SPHK2: variants seen among roughly 807,000 people sequenced by gnomAD.
The protein encoded by SPHK2 is sphingosine kinase 2.
Under a neutral mutation model 32.3 loss-of-function variants are expected in SPHK2, and 18 were observed. That is an observed-to-expected ratio of 0.56 (90% CI 0.39 to 0.83). SPHK2 has a LOEUF of 0.83. Among genes scored for constraint, SPHK2 ranks in the 40% least tolerant of loss-of-function variants. The probability of loss-of-function intolerance (pLI) is 0.00; values close to 1 mark genes in which losing one functional copy is unlikely to be tolerated. For synonymous variants in SPHK2, 462 were observed against 417.6 expected, an observed-to-expected ratio of 1.11 and a Z score of -1.30; for missense variants, 850 against 908.7, an observed-to-expected ratio of 0.94 and a Z score of 0.83.
intron 2 of SPHK2, chr19:48,623,517 G>A (rs982553932): frequency 6.6e-6 from 1 of 152,088 alleles, no homozygotes; most frequent in Non-Finnish European, 1.5e-5. Flanking sequence ...TCTTTGCCTC[G>A]GTGCATCTGT....
At chr19:48,625,860 T>A in intron 2 of SPHK2, 31 bp from the exon 3 acceptor site, 1 of 1,604,076 alleles carries the variant, frequency 6.2e-7, no homozygotes, top group South Asian at 1.1e-5. Context: ...GGGTCCTGAA[T>A]TCTCACCCCT....
intron 2 of SPHK2, chr19:48,624,838 C>A: frequency 1.1e-6 from 1 of 892,068 alleles, no homozygotes; most frequent in African/African-American, 2.1e-5. Context: ...GATAGGGGGG[C>A]AGATGTAGTT....
intron 3 of SPHK2, 51 bp from the exon 4 acceptor site, chr19:48,627,641 G>A: frequency 6.6e-7 from 1 of 1,519,282 alleles, no homozygotes; most frequent in Non-Finnish European, 8.8e-7. Flanking sequence ...CTGTTTCCAA[G>A]GTGGGGGGCC....
At chr19:48,622,715 C>T (rs992976687) in intron 2 of SPHK2, among the ~76,000 whole-genome samples, 3 of 147,058 alleles carry the variant, frequency 2.0e-5, no homozygotes, top group Non-Finnish European at 4.5e-5. Context: ...ATGCTAGGTA[C>T]ATGATTTGGC....
Position 48,629,432 on chromosome 19 carries a change from T to C in SPHK2, c.1624T>C (p.Leu542=). The C allele has an allele frequency of 3.7e-6, 6 of 1,610,626 alleles. No individual in the cohort carries two copies. Among genetic ancestry groups the C allele is most frequent in the Non-Finnish European group, 5.1e-6 (6 of 1,179,200 alleles). The change falls in exon 7 of 7, where the codon TTG becomes CTG. Residue 542 remains leucine (L), a synonymous_variant. Coordinates refer to ENST00000245222, the MANE Select transcript of SPHK2 (RefSeq NM_020126.5). ...VTLEGDFVLM[L]AISPSHLGAD... ...GCTGGAGGGGGACTTTGTGCTCATG[T>C]TGGCCATCTCGCCCAGCCACCTAGG... is the stretch of plus-strand genomic sequence containing the variant.
rs1197232818 is a variant in SPHK2 at position 48,628,282 on chromosome 19, G to A, written c.872+5G>A. 2 of 1,612,576 alleles carry A rather than the reference G, an allele frequency of 1.2e-6. No homozygotes were observed. The highest frequency in any genetic ancestry group is 1.7e-6 in the Non-Finnish European group (2 of 1,179,512). On this transcript the variant is annotated splice_donor_5th_base_variant and intron_variant, in intron 6 of 6. Coordinates refer to ENST00000245222, the MANE Select transcript of SPHK2 (RefSeq NM_020126.5). The surrounding 1 kb of genome is among the most constrained non-coding windows in gnomAD (Gnocchi z 5.2). Reference sequence around the variant, plus strand: ...AGCAGTGAACCAGCACGGGGGGTAGGTTGAGGATACCACGAAGGGAGGGAT... The same window carrying A: ...AGCAGTGAACCAGCACGGGGGGTAGATTGAGGATACCACGAAGGGAGGGAT...
chr19:48,626,130 G>A lies in SPHK2; in HGVS notation c.279G>A (p.Pro93=), dbSNP rs200162164. 1.9e-5 allele frequency: 30 copies of A among 1,606,220 alleles called. No individual in the cohort carries two copies. Among genetic ancestry groups the A allele is most frequent in the Non-Finnish European group, 2.6e-5 (30 of 1,176,156 alleles). Residue 93 remains proline, a synonymous_variant, in exon 3 of 7, where the codon CCG becomes CCA. Transcript: ENST00000245222. The part of the protein sequence containing the change: ...PEARPRGGLV[P]LAEVSGCCTL... ...CCAGGCCCCGGGGTGGCCTGGTCCC[G>A]TTGGCCGAGGTCTCAGGCTGCTGCA...
intron 2 of SPHK2, chr19:48,623,104 C>T (rs1476185089): frequency 2.6e-5 from 4 of 151,058 alleles, no homozygotes; most frequent in Admixed American, 1.3e-4. Flanking sequence ...ATTAGCCGGA[C>T]GTGGTGGCAC....
rs138780722 is a variant in SPHK2, at chr19:48,629,873, AG to A, written c.*104del. 2.1e-6 allele frequency: 3 copies of A among 1,462,654 alleles called. No individual in the cohort carries two copies. The highest frequency in any genetic ancestry group is 2.8e-5 in the African/African-American group (2 of 70,390). The allele number at this position is 1,462,654 out of a possible 1,614,324, so 90.6% of individuals were successfully genotyped here. On this transcript the variant is annotated 3_prime_UTR_variant, in exon 7 of 7. Coordinates refer to ENST00000245222, the MANE Select transcript of SPHK2 (RefSeq NM_020126.5). ...GCCTGGCTGCTAGAGTTGTGGTGGC[AG>A]GGGCCCTGGCCCCGTCTCAGGATTG... is the stretch of plus-strand genomic sequence containing the variant.
At position 48,626,191 on chromosome 19, in the gene SPHK2, T is replaced by G. The variant is rs1974613084; in HGVS notation, c.340T>G (p.Tyr114Asp). ...CCGCAGCCCCTCAGACTCAGCGGCC[T>G]ACTTCTGCATCTACACCTACCCTCG... ...RSRSPSDSAA[Y>D]FCIYTYPRGR... The change falls in exon 3 of 7, where the codon TAC (tyrosine) becomes GAC (aspartate). Residue 114 changes from tyrosine to aspartate, a missense_variant. Transcript: ENST00000245222. The G allele has an allele frequency of 6.3e-7, 1 of 1,594,210 alleles. No individual in the cohort carries two copies. Among genetic ancestry groups the G allele is most frequent in the African/African-American group, 1.3e-5 (1 of 74,394 alleles).
In SPHK2 at chr19:48,628,231, T is replaced by A; in HGVS notation, c.826T>A (p.Cys276Ser). 1 of 1,613,672 alleles carries A rather than the reference T, an allele frequency of 6.2e-7. No homozygotes were observed. Among genetic ancestry groups the A allele is most frequent in the Non-Finnish European group, 8.5e-7 (1 of 1,179,948 alleles). ...AVKMPVGILP[C>S]GSGNALAGAV... is the part of the protein sequence containing the mutation. ...GAAGATGCCTGTGGGCATCCTCCCC[T>A]GCGGCTCGGGCAACGCGCTGGCCGG... Residue 276 changes from cysteine to serine, a missense_variant, in exon 6 of 7, where the codon TGC becomes AGC. Transcript: ENST00000245222. This position sits in a 1 kb window ranked among gnomAD's most constrained non-coding sequence, Gnocchi z 5.2.
intron 2 of SPHK2, chr19:48,625,672 G>A (rs1974581211): frequency 6.5e-7 from 1 of 1,533,640 alleles, no homozygotes; most frequent in Admixed American, 2.0e-5. Flanking sequence ...ATAAATGATT[G>A]GATGTTTGCA....
chr19:48,620,632 A>C, intron 2 of SPHK2, 79 bp downstream of exon 2: 1 of 1,375,972 alleles, frequency 7.3e-7, no homozygotes, highest in Non-Finnish European at 9.9e-7. Context: ...AAAAAAAAAA[A>C]AAAATTGGAG....
At chr19:48,621,205 A>G (rs956266104) in intron 2 of SPHK2, among the ~76,000 whole-genome samples, 1 of 151,952 alleles carries the variant, frequency 6.6e-6, no homozygotes, top group African/African-American at 2.4e-5. Context: ...TCAACCTCCC[A>G]AGTAGCTGGG....
In SPHK2 at chr19:48,628,810, T is replaced by C. The variant is rs1162004841; in HGVS notation, c.1002T>C (p.Ser334=). The stretch of plus-strand genomic sequence containing the variant: ...GCTCCCGCTGTTTCTCCTTCCTGTC[T>C]GTGGCCTGGGGCTTCGTGTCAGATG... ...ASGSRCFSFL[S]VAWGFVSDVD... The change falls in exon 7 of 7, where the codon TCT becomes TCC. Residue 334 remains serine, a synonymous_variant. Transcript: ENST00000245222. The surrounding 1 kb of genome is among the most constrained non-coding windows in gnomAD (Gnocchi z 5.2). 10 of 1,613,754 alleles carry C rather than the reference T, an allele frequency of 6.2e-6. No individual in the cohort carries two copies. Among genetic ancestry groups the C allele is most frequent in the South Asian group, 1.1e-5 (1 of 91,092 alleles).
At chr19:48,627,106 C>T in intron 3 of SPHK2, among the ~76,000 whole-genome samples, 1 of 152,308 alleles carries the variant, frequency 6.6e-6, no homozygotes, top group Admixed American at 6.5e-5. Flanking sequence ...TGCACTCCAT[C>T]CTGGGCGACA....
Position 48,629,247 on chromosome 19 carries a change from C to T in SPHK2, c.1439C>T (p.Ala480Val). 1 of 1,613,456 alleles carries T rather than the reference C, an allele frequency of 6.2e-7. No individual in the cohort carries two copies. The highest frequency in any genetic ancestry group is 8.5e-7 in the Non-Finnish European group (1 of 1,179,904). The change falls in exon 7 of 7, where the codon GCA (alanine) becomes GTA (valine). Residue 480 changes from alanine to valine, a missense_variant. By Grantham distance (64) the Ala-to-Val change is moderately conservative. This residue lies in a region of SPHK2 where 306 missense variants were observed against 268.6 expected (regional missense o/e 1.14). Transcript: ENST00000245222. Reference protein sequence around the residue: ...LLSSPPGSPKAALHSPVSEGA... With the variant: ...LLSSPPGSPKVALHSPVSEGA... ...TCTTCACCTCCTGGCTCTCCCAAGG[C>T]AGCTCTACACTCACCCGTCTCCGAA... is the stretch of plus-strand genomic sequence containing the variant.
At position 48,630,017 on chromosome 19, in the gene SPHK2, T is replaced by G; in HGVS notation, c.*244T>G. The stretch of plus-strand genomic sequence containing the variant: ...AATGAGGGCGGGGCCTGGCGTCTGA[T>G]CTGGGGCCGCCCTTACGGGGCAGGG... On this transcript the variant is annotated 3_prime_UTR_variant, in exon 7 of 7. Coordinates refer to ENST00000245222, the MANE Select transcript of SPHK2 (RefSeq NM_020126.5). The surrounding 1 kb of genome is among the most constrained non-coding windows in gnomAD (Gnocchi z 4.9). 7.4e-7 allele frequency: 1 copy of G among 1,356,102 alleles called. No individual in the cohort carries two copies. Among genetic ancestry groups the G allele is most frequent in the South Asian group, 2.1e-5 (1 of 48,448 alleles). 84.0% of individuals were successfully genotyped at this position (1,356,102 alleles called of 1,614,324 possible).
intron 3 of SPHK2, among the ~76,000 whole-genome samples, chr19:48,627,198 T>C (rs1301070491): frequency 6.6e-6 from 1 of 152,234 alleles, no homozygotes; most frequent in Admixed American, 6.5e-5. Context: ...GTTCTCTTGC[T>C]AGATTTATGT....
Sources: gnomAD v4.1 joint callset for allele counts (sites outside exome capture counted in the v4.1 genomes callset) on GRCh38, gnomAD v4.1.1 for gene constraint, gnomAD v4.1.1 regional missense constraint, Gnocchi (gnomAD v3.1) non-coding constraint, MANE v1.5 for transcripts, NCBI Gene and HGNC (gene_info 2026-07-23, HGNC 2026-07-21) for gene names.